Variants in MYO18A observed in about 807,000 individuals in gnomAD.
MYO18A encodes the protein unconventional myosin-XVIIIa.
In MYO18A, 78 loss-of-function variants were observed where a neutral mutation model predicts 235.8. The ratio of observed to expected loss-of-function variants is 0.33; its 90% CI spans 0.28 to 0.40. The LOEUF is 0.40. MYO18A is among the 10% of genes least tolerant of loss of function. The pLI is 1.00. For missense variants in MYO18A, 2,215 were observed against 2,699.3 expected, an observed-to-expected ratio of 0.82 and a Z score of 3.98; for synonymous variants, 977 against 1,077.8, an observed-to-expected ratio of 0.91 and a Z score of 1.83.
rs2067177722 is a variant in MYO18A at position 29,120,760 on chromosome 17, T to G, written c.1586-2A>C. The G allele has an allele frequency of 1.2e-6, 2 of 1,612,642 alleles. No individual in the cohort carries two copies. The highest frequency in any genetic ancestry group is 1.7e-6 in the Non-Finnish European group (2 of 1,179,276). On this transcript the variant is annotated splice_acceptor_variant, in intron 6 of 41. Coordinates refer to ENST00000527372, the MANE Select transcript of MYO18A (RefSeq NM_078471.4). LOFTEE classifies it high-confidence loss of function. This position sits in a 1 kb window ranked among gnomAD's most constrained non-coding sequence, Gnocchi z 4.2. The stretch of plus-strand genomic sequence containing the variant: ...TGTACAGAGCCTGCCACTTCTCCAC[T>G]GCAGAATACAGGCCCAAGGGGATAT...
rs1385558220 is a variant in MYO18A at position 29,180,395 on chromosome 17, G to A, written c.-164C>T. The A allele has an allele frequency of 1.3e-5, 2 of 152,058 alleles. No individual in the cohort carries two copies. Among genetic ancestry groups the A allele is most frequent in the African/African-American group, 2.4e-5 (1 of 41,438 alleles). 9.4% of individuals were successfully genotyped at this position (152,058 alleles called of 1,614,324 possible). Reference sequence around the variant, plus strand: ...TCGGCCCGGTCAGGGATGGAGCAGAGCGCAGCGCGGCGCAGCTCAGCGCCG... The same window carrying A: ...TCGGCCCGGTCAGGGATGGAGCAGAACGCAGCGCGGCGCAGCTCAGCGCCG... On this transcript the variant is annotated 5_prime_UTR_variant, in exon 1 of 42. Coordinates refer to ENST00000527372, the MANE Select transcript of MYO18A (RefSeq NM_078471.4). This position sits in a 1 kb window ranked among gnomAD's most constrained non-coding sequence, Gnocchi z 6.1.
chr17:29,081,101 T>A (rs1271655289), intron 41 of MYO18A: 4 of 707,574 alleles, frequency 5.7e-6, no homozygotes, highest in Non-Finnish European at 6.9e-6. Context: ...AGTATTAAAC[T>A]CAGAGAATAA....
intron 2 of MYO18A, among the ~76,000 whole-genome samples, chr17:29,139,270 T>C (rs2067678302): frequency 6.6e-6 from 1 of 152,214 alleles, no homozygotes; most frequent in Non-Finnish European, 1.5e-5. Flanking sequence ...GGATGCTCAC[T>C]GCCCCTCTGG....
At position 29,106,279 on chromosome 17, in the gene MYO18A, C is replaced by T. The variant is rs181140949; in HGVS notation, c.3441+801G>A. On this transcript the variant is annotated intron_variant, in intron 20 of 41. Coordinates refer to ENST00000527372, the MANE Select transcript of MYO18A (RefSeq NM_078471.4). The surrounding 1 kb of genome is among the most constrained non-coding windows in gnomAD (Gnocchi z 4.6). ...GGGCATCTATGTCCACATGAGGTTG[C>T]CCAGGCCACCAGCAGGCCAAAGGAT... is the stretch of plus-strand genomic sequence containing the variant. 3.9e-5 allele frequency among the ~76,000 whole-genome samples: 6 copies of T among 152,206 alleles called. No homozygotes were observed. The East Asian group carries it at 1.2e-3, about 29-fold the overall frequency.
chr17:29,149,911 C>G (rs555293348), intron 2 of MYO18A, among the ~76,000 whole-genome samples: 26 of 152,360 alleles, frequency 1.7e-4, no homozygotes, highest in South Asian at 1.7e-3. Context: ...CTATCCACCC[C>G]CTCTGGTAGA....
At chr17:29,119,459 G>C (rs759364908) in intron 7 of MYO18A, 24 bp from the exon 8 acceptor site, 84 of 1,571,744 alleles carry the variant, frequency 5.3e-5, no homozygotes, top group Non-Finnish European at 5.4e-5. Context: ...TGGACGTGTG[G>C]GTAAGGAGGG....
chr17:29,103,726 C>A, intron 20 of MYO18A, 62 bp from the exon 21 acceptor site: 1 of 1,543,522 alleles, frequency 6.5e-7, no homozygotes, highest in Non-Finnish European at 8.9e-7. Flanking sequence ...GCAGGGCTTT[C>A]TCCAGGCCCT....
chr17:29,156,051 A>G (rs2068059789), intron 2 of MYO18A, among the ~76,000 whole-genome samples: 1 of 152,102 alleles, frequency 6.6e-6, no homozygotes. Context: ...CTGCCTTAGC[A>G]CCCACTCTCT....
chr17:29,099,032 A>G, intron 22 of MYO18A, 63 bp from the exon 23 acceptor site: 1 of 1,596,172 alleles, frequency 6.3e-7, no homozygotes, highest in South Asian at 1.1e-5. Context: ...AGCTCGGCCC[A>G]GGATCCTCCC....
chr17:29,079,950 C>T (rs2152713958), intron 41 of MYO18A: 2 of 986,014 alleles, frequency 2.0e-6, no homozygotes, highest in East Asian at 1.1e-4. Flanking sequence ...TCTTTCTTCT[C>T]GACTTGGACT....
chr17:29,136,199 C>A (rs1158938055), intron 2 of MYO18A, among the ~76,000 whole-genome samples: 1 of 145,124 alleles, frequency 6.9e-6, no homozygotes, highest in African/African-American at 2.6e-5. Flanking sequence ...ACTGCATGCT[C>A]CAGCCTGGGT....
intron 41 of MYO18A, chr17:29,077,977 A>G (rs2066024691): frequency 6.6e-6 from 1 of 152,112 alleles, no homozygotes; most frequent in Admixed American, 6.5e-5. Context: ...CAGGGCTGCT[A>G]AGAGGAAGGC....
Position 29,073,626 on chromosome 17 carries a change from C to T in MYO18A, c.*1144G>A. 4.0e-6 allele frequency: 2 copies of T among 503,818 alleles called. No homozygotes were observed. The highest frequency in any genetic ancestry group is 7.0e-6 in the Non-Finnish European group (2 of 285,084). 31.2% of individuals were successfully genotyped at this position (503,818 alleles called of 1,614,324 possible). On this transcript the variant is annotated 3_prime_UTR_variant, in exon 42 of 42. Coordinates refer to ENST00000527372, the MANE Select transcript of MYO18A (RefSeq NM_078471.4). The stretch of plus-strand genomic sequence containing the variant: ...AGAGAAGGGGGGCGGCAGATGGGAG[C>T]AGCACCAGGCACTGCACTTGGGCTC...
rs1346509574 is a variant in MYO18A at position 29,122,264 on chromosome 17, G to C, written c.1000-11C>G. On this transcript the variant is annotated splice_polypyrimidine_tract_variant and intron_variant, in intron 2 of 41. Coordinates refer to ENST00000527372, the MANE Select transcript of MYO18A (RefSeq NM_078471.4). Reference sequence around the variant, plus strand: ...TTCTTCTGTTTTCGCCTGTCAGAGAGAGAGAAGAATAAACAGGCCCTGCTA... The same window carrying C: ...TTCTTCTGTTTTCGCCTGTCAGAGACAGAGAAGAATAAACAGGCCCTGCTA... The C allele has an allele frequency of 1.2e-6, 2 of 1,606,966 alleles. No individual in the cohort carries two copies. The highest frequency in any genetic ancestry group is 1.7e-6 in the Non-Finnish European group (2 of 1,176,570).
chr17:29,146,887 C>A (rs560097172), intron 2 of MYO18A, among the ~76,000 whole-genome samples: 1 of 152,262 alleles, frequency 6.6e-6, no homozygotes, highest in South Asian at 2.1e-4. Flanking sequence ...TTACTCTCAC[C>A]TGAAAGAGCT....
rs1365304044 is a variant in MYO18A at position 29,109,476 on chromosome 17, C to T, written c.3331+382G>A. 6.6e-6 allele frequency among the ~76,000 whole-genome samples: 1 copy of T among 152,202 alleles called. No homozygotes were observed. The highest frequency in any genetic ancestry group is 1.5e-5 in the Non-Finnish European group (1 of 68,026). On this transcript the variant is annotated intron_variant, in intron 19 of 41. Transcript: ENST00000527372. This position sits in a 1 kb window ranked among gnomAD's most constrained non-coding sequence, Gnocchi z 4.1. ...TTTTAAGTACTTCAGAAAGATTTAG[C>T]ACCTCATTTCTCACTGGGCAGATGG...
chr17:29,180,393 G>GAGCGC lies in MYO18A; in HGVS notation c.-167_-163dup, dbSNP rs1382558277. On this transcript the variant is annotated 5_prime_UTR_variant, in exon 1 of 42. Transcript: ENST00000527372. The surrounding 1 kb of genome is among the most constrained non-coding windows in gnomAD (Gnocchi z 6.1). ...CCTCGGCCCGGTCAGGGATGGAGCA[G>GAGCGC]AGCGCAGCGCGGCGCAGCTCAGCGC... 1 of 152,088 alleles carries GAGCGC rather than the reference G, an allele frequency of 6.6e-6. No homozygotes were observed. The highest frequency in any genetic ancestry group is 2.1e-4 in the South Asian group (1 of 4,848). 9.4% of individuals were successfully genotyped at this position (152,088 alleles called of 1,614,324 possible).
intron 2 of MYO18A, among the ~76,000 whole-genome samples, chr17:29,130,555 C>G (rs2067447866): frequency 6.7e-6 from 1 of 150,336 alleles, no homozygotes; most frequent in South Asian, 2.1e-4. Flanking sequence ...GGCTGGCTTT[C>G]CAGGATTGTT....
rs1178111833 is a variant in MYO18A at position 29,121,690 on chromosome 17, G to C, written c.1228C>G (p.Leu410Val). The change falls in exon 5 of 42, where the codon CTG (leucine) becomes GTG (valine). Residue 410 changes from leucine to valine, a missense_variant. By Grantham distance (32) the Leu-to-Val change is conservative. Coordinates refer to ENST00000527372, the MANE Select transcript of MYO18A (RefSeq NM_078471.4). The surrounding 1 kb of genome is among the most constrained non-coding windows in gnomAD (Gnocchi z 4.2). ...TCATTGAGGTACACCAGTGAGGCCA[G>C]ATCCTCCAGACGGTCGCAGGAGGGA... ...NAPSCDRLED[L>V]ASLVYLNESS... is the part of the protein sequence containing the mutation. The C allele has an allele frequency of 1.9e-6, 3 of 1,564,790 alleles. No homozygotes were observed. The highest frequency in any genetic ancestry group is 2.6e-6 in the Non-Finnish European group (3 of 1,154,684).
Sources: allele counts gnomAD v4.1 joint callset (sites outside exome capture counted in the v4.1 genomes callset), GRCh38; gene constraint gnomAD v4.1.1; non-coding constraint Gnocchi (gnomAD v3.1); transcripts MANE v1.5; gene names NCBI Gene and HGNC (gene_info 2026-07-23, HGNC 2026-07-21).